The following IL21 variants were observed in gnomAD, a reference collection of about 807,000 sequenced individuals.
IL21 encodes the protein interleukin 21.
Under a neutral mutation model 18.4 loss-of-function variants are expected in IL21, and 3 were observed. The observed-to-expected ratio is 0.16, with a 90% confidence interval of 0.07 to 0.42. The LOEUF is 0.42. IL21 is among the 10% of genes least tolerant of loss of function. The probability of loss-of-function intolerance (pLI) is 0.99; values close to 1 mark genes in which losing one functional copy is unlikely to be tolerated. For synonymous variants in IL21, 37 were observed against 62.0 expected (o/e 0.60, Z 1.90); for missense variants, 130 against 188.4 (o/e 0.69, Z 1.81).
At chr4:122,619,389 G>A (rs1799390684) in intron 2 of IL21, 1 of 152,068 alleles carries the variant, frequency 6.6e-6, no homozygotes, top group African/African-American at 2.4e-5. Context: ...GATAGATACA[G>A]TATCACGGAG....
chr4:122,614,726 A>G (rs1039027172), intron 3 of IL21, among the ~76,000 whole-genome samples: 3 of 151,998 alleles, frequency 2.0e-5, no homozygotes, highest in Non-Finnish European at 4.4e-5. Flanking sequence ...ATTTTTTTTG[A>G]GAGTAATTTA....
intron 2 of IL21, 118 bp from the exon 3 acceptor site, chr4:122,615,955 A>G: frequency 1.2e-6 from 1 of 803,158 alleles, no homozygotes. Context: ...TCGTTTCAAC[A>G]GATGAGTGAG....
chr4:122,615,645 A>G, intron 3 of IL21, 37 bp downstream of exon 3: 4 of 1,579,644 alleles, frequency 2.5e-6, no homozygotes, highest in Non-Finnish European at 3.5e-6. Context: ...TATAGTTTAT[A>G]AGTACAAATA....
intron 2 of IL21, among the ~76,000 whole-genome samples, chr4:122,617,291 A>G (rs1004574727): frequency 6.6e-5 from 10 of 152,102 alleles, no homozygotes; most frequent in Admixed American, 4.6e-4. Context: ...CCACACGTTC[A>G]TGTTTGTTGA....
chr4:122,612,837 C>T lies in IL21; in HGVS notation c.438+14G>A, dbSNP rs1799279450. On this transcript the variant is annotated intron_variant, in intron 4 of 4. Transcript: ENST00000648588. ...AGATAAAGCAGAAAATCAAATGAAACTTAAGGTAGATACCTTTTGGAGAAG... is the reference window on the plus strand; with the variant it reads ...AGATAAAGCAGAAAATCAAATGAAATTTAAGGTAGATACCTTTTGGAGAAG... 1 of 1,612,688 alleles carries T rather than the reference C, an allele frequency of 6.2e-7. No homozygotes were observed. The highest frequency in any genetic ancestry group is 1.3e-5 in the African/African-American group (1 of 74,872).
Position 122,615,725 on chromosome 4 carries a change from T to C in IL21, c.317A>G (p.Lys106Arg), listed in dbSNP as rs143807041. ...TCTCCCTGCATTTGTGGAAGGTGGTTTCCTCTTCAGCTTTTTAATTGATAC... is the reference window on the plus strand; with the variant it reads ...TCTCCCTGCATTTGTGGAAGGTGGTCTCCTCTTCAGCTTTTTAATTGATAC... ...INVSIKKLKR[K>R]PPSTNAGRRQ... Residue 106 changes from lysine to arginine, a missense_variant, in exon 3 of 5, where the codon AAA (lysine) becomes AGA (arginine). Lys to Arg is a conservative substitution (Grantham distance 26, BLOSUM62 2). Transcript: ENST00000648588. 1.9e-6 allele frequency: 3 copies of C among 1,613,706 alleles called. No individual in the cohort carries two copies. Among genetic ancestry groups the C allele is most frequent in the African/African-American group, 2.7e-5 (2 of 74,914 alleles).
In IL21 at chr4:122,611,494, C is replaced by T. The variant is rs1280622387; in HGVS notation, c.*1216G>A. On this transcript the variant is annotated 3_prime_UTR_variant, in exon 5 of 5. Transcript: ENST00000648588. ...ATAAGAGATTCTCAAATAGCTTATA[C>T]CATTCTAGCGAACATTTTACTTTTC... Among the ~76,000 whole-genome samples the T allele has an allele frequency of 1.3e-5, 2 of 152,136 alleles. No homozygotes were observed. Among genetic ancestry groups the T allele is most frequent in the African/African-American group, 4.8e-5 (2 of 41,422 alleles).
chr4:122,615,117 A>G (rs1187624373), intron 3 of IL21, among the ~76,000 whole-genome samples: 1 of 152,226 alleles, frequency 6.6e-6, no homozygotes, highest in Non-Finnish European at 1.5e-5. Context: ...CCTCACCTTG[A>G]GAAGCTATAT....
In IL21 at chr4:122,612,679, G is replaced by A. The variant is rs17879298; in HGVS notation, c.*31C>T. Reference sequence around the variant, plus strand: ...GACTTTCACTACTATATTAGAGTATGTAACATAGTGTCCAACTGCAAGTTA... The same window carrying A: ...GACTTTCACTACTATATTAGAGTATATAACATAGTGTCCAACTGCAAGTTA... On this transcript the variant is annotated 3_prime_UTR_variant, in exon 5 of 5. Transcript: ENST00000648588. The A allele has an allele frequency of 0.065, 91,599 of 1,400,228 alleles. 3,430 individuals carry two copies. The highest frequency in any genetic ancestry group is 0.076 in the Non-Finnish European group (75,298 of 986,368). 86.7% of individuals were successfully genotyped at this position (1,400,228 alleles called of 1,614,324 possible).
chr4:122,620,128 C>T (rs17005929), intron 2 of IL21: 12,131 of 152,298 alleles, frequency 0.08, 820 homozygotes, highest in East Asian at 0.32. Flanking sequence ...TTCAAAAGAC[C>T]TCACGGAAGG....
At chr4:122,613,253 A>T (rs1373491585) in intron 3 of IL21, among the ~76,000 whole-genome samples, 1 of 151,470 alleles carries the variant, frequency 6.6e-6, no homozygotes, top group Non-Finnish European at 1.5e-5. Context: ...CCTAAGTGTT[A>T]AATAATCTTC....
intron 3 of IL21, among the ~76,000 whole-genome samples, chr4:122,613,385 T>C (rs1379625546): frequency 6.9e-6 from 1 of 145,422 alleles, no homozygotes. Flanking sequence ...ACAGTCTTGC[T>C]GTGTCACCCA....
intron 3 of IL21, 111 bp downstream of exon 3, chr4:122,615,571 A>T: frequency 1.1e-6 from 1 of 869,874 alleles, no homozygotes; most frequent in Non-Finnish European, 1.8e-6. Context: ...GCATAACTAT[A>T]GGTAAGGAAG....
chr4:122,614,107 A>G (rs1429892901), intron 3 of IL21, among the ~76,000 whole-genome samples: 1 of 152,190 alleles, frequency 6.6e-6, no homozygotes. Context: ...TATACGTTCT[A>G]ATTCTCATTC....
chr4:122,620,222 A>G (rs1240654512), intron 2 of IL21: 2 of 153,778 alleles, frequency 1.3e-5, no homozygotes, highest in South Asian at 2.0e-4. Flanking sequence ...CCATTTCTCC[A>G]TGCTGTCCCT....
chr4:122,612,661 A>G lies in IL21; in HGVS notation c.*49T>C, dbSNP rs1390511027. ...CTTGGAATACAAAGAAATGACTTTCACTACTATATTAGAGTATGTAACATA... is the reference window on the plus strand; with the variant it reads ...CTTGGAATACAAAGAAATGACTTTCGCTACTATATTAGAGTATGTAACATA... On this transcript the variant is annotated 3_prime_UTR_variant, in exon 5 of 5. Coordinates refer to ENST00000648588, the MANE Select transcript of IL21 (RefSeq NM_021803.4). 1 of 1,296,454 alleles carries G rather than the reference A, an allele frequency of 7.7e-7. No individual in the cohort carries two copies. The highest frequency in any genetic ancestry group is 1.1e-6 in the Non-Finnish European group (1 of 894,390). The allele number at this position is 1,296,454 out of a possible 1,614,324, so 80.3% of individuals were successfully genotyped here. A position where few individuals can be genotyped will look rare whatever the true frequency, so the allele number is the denominator to read the frequency against.
At position 122,615,826 on chromosome 4, in the gene IL21, C is replaced by T. The variant is rs375011567; in HGVS notation, c.216G>A (p.Glu72=). 6.8e-6 allele frequency: 11 copies of T among 1,608,888 alleles called. No individual in the cohort carries two copies. The highest frequency in any genetic ancestry group is 9.3e-6 in the Non-Finnish European group (11 of 1,177,956). Residue 72 remains glutamate (E), a synonymous_variant, in exon 3 of 5, where the codon GAG becomes GAA. Transcript: ENST00000648588. The part of the protein sequence containing the change: ...PAPEDVETNC[E]WSAFSCFQKA... Reference sequence around the variant, plus strand: ...TCTGAAAGCAGGAAAAAGCTGACCACTCACAGTTTGTCTGAAAGATAAACA... The same window carrying T: ...TCTGAAAGCAGGAAAAAGCTGACCATTCACAGTTTGTCTGAAAGATAAACA...
chr4:122,610,882 T>TA lies in IL21; in HGVS notation c.*1827dup, dbSNP rs1394950691. Among the ~76,000 whole-genome samples, 1 of 152,226 alleles carries TA rather than the reference T, an allele frequency of 6.6e-6. No homozygotes were observed. Among genetic ancestry groups the TA allele is most frequent in the East Asian group, 1.9e-4 (1 of 5,204 alleles). ...GAGTGCTGGTGGGTTTAACTCTGGT[T>TA]AAACAGCAGAGTTTATCTGGGTGTT... On this transcript the variant is annotated 3_prime_UTR_variant, in exon 5 of 5. Transcript: ENST00000648588.
chr4:122,613,137 TTCTC>T (rs1009118057), intron 3 of IL21, among the ~76,000 whole-genome samples: 2 of 152,100 alleles, frequency 1.3e-5, no homozygotes, highest in African/African-American at 2.4e-5. Context: ...TTAATGTATA[TTCTC>T]TCTGTGTTTT....
Sources: allele counts gnomAD v4.1 joint callset (sites outside exome capture counted in the v4.1 genomes callset), GRCh38; gene constraint gnomAD v4.1.1; transcripts MANE v1.5; gene names NCBI Gene and HGNC (gene_info 2026-07-23, HGNC 2026-07-21).